Variants in DUS4L observed in about 807,000 individuals in gnomAD.
DUS4L encodes tRNA-dihydrouridine(20a/20b) synthase [NAD(P)+]-like.
DUS4L carries 31 observed loss-of-function variants against 33.8 expected under a neutral mutation model. The ratio of observed to expected loss-of-function variants is 0.92; its 90% CI spans 0.69 to 1.24. The LOEUF is 1.24. Among genes scored for constraint, DUS4L ranks in the 50% most tolerant of loss-of-function variants. DUS4L has a pLI of 0.00. For missense variants in DUS4L, 368 were observed against 388.6 expected (o/e 0.95, Z 0.45); for synonymous variants, 103 against 120.3 (o/e 0.86, Z 0.94).
rs893438249 is a variant in DUS4L, at chr7:107,563,978, C to T, written c.-342C>T. ...ACGCAGAATCCCGGCGCCGCCCGCC[C>T]ACCCAGCCCATGGCTCCAGGCCCAC... On this transcript the variant is annotated 5_prime_UTR_variant, in exon 1 of 8. Coordinates refer to ENST00000265720, the MANE Select transcript of DUS4L (RefSeq NM_181581.3). 1.3e-6 allele frequency: 2 copies of T among 1,574,806 alleles called. No homozygotes were observed. Among genetic ancestry groups the T allele is most frequent in the Non-Finnish European group, 8.6e-7 (1 of 1,162,528 alleles).
At chr7:107,567,665 C>T (rs1804833378) in intron 3 of DUS4L, 1 of 315,748 alleles carries the variant, frequency 3.2e-6, no homozygotes, top group Admixed American at 4.0e-5. Context: ...ATAAAATTTA[C>T]CTCTCGATCA....
intron 3 of DUS4L, chr7:107,570,895 C>T: frequency 2.7e-6 from 1 of 370,236 alleles, no homozygotes; most frequent in Non-Finnish European, 4.9e-6. Context: ...GAACTCACCA[C>T]CCTGTCATTC....
In DUS4L at chr7:107,577,701, T is replaced by C; in HGVS notation, c.*141T>C. The C allele has an allele frequency of 1.2e-6, 1 of 815,938 alleles. No individual in the cohort carries two copies. The highest frequency in any genetic ancestry group is 1.9e-6 in the Non-Finnish European group (1 of 540,332). The allele number at this position is 815,938 out of a possible 1,614,324, so 50.5% of individuals were successfully genotyped here. A position where few individuals can be genotyped will look rare whatever the true frequency, so the allele number is the denominator to read the frequency against. Reference sequence around the variant, plus strand: ...GGGAGCGTTTTTTAAAAATCAGTTGTAGACACCACCCTCAGAGATTCTGAT... The same window carrying C: ...GGGAGCGTTTTTTAAAAATCAGTTGCAGACACCACCCTCAGAGATTCTGAT... On this transcript the variant is annotated 3_prime_UTR_variant, in exon 8 of 8. Coordinates refer to ENST00000265720, the MANE Select transcript of DUS4L (RefSeq NM_181581.3).
At chr7:107,571,871 A>G (rs1332422136) in intron 4 of DUS4L, among the ~76,000 whole-genome samples, 1 of 152,092 alleles carries the variant, frequency 6.6e-6, no homozygotes, top group Non-Finnish European at 1.5e-5. Flanking sequence ...GTTTCTCCCC[A>G]CACCCCACTG....
At chr7:107,576,767 A>G in intron 7 of DUS4L, 175 bp downstream of exon 7, 1 of 584,070 alleles carries the variant, frequency 1.7e-6, no homozygotes, top group Middle Eastern at 3.9e-4. Flanking sequence ...CTAGAAAAAC[A>G]TGGATTATCT....
intron 3 of DUS4L, 64 bp downstream of exon 3, chr7:107,567,250 A>G (rs4730250): frequency 0.16 from 233,563 of 1,432,380 alleles, 19,894 homozygotes; most frequent in Non-Finnish European, 0.18. Context: ...TGACTTTTTA[A>G]AAGTACTGTA....
intron 7 of DUS4L, 39 bp from the exon 8 acceptor site, chr7:107,577,274 C>T (rs1805836953): frequency 6.2e-7 from 1 of 1,605,142 alleles, no homozygotes; most frequent in Admixed American, 1.7e-5. Flanking sequence ...ACCAGGGGTT[C>T]TTAATGTATG....
intron 7 of DUS4L, 126 bp from the exon 8 acceptor site, chr7:107,577,187 G>A (rs971386352): frequency 7.7e-7 from 1 of 1,299,604 alleles, no homozygotes; most frequent in Non-Finnish European, 1.1e-6. Context: ...ACATATTAAT[G>A]CAATAAAGAC....
chr7:107,569,545 G>C (rs1805011753), intron 3 of DUS4L, among the ~76,000 whole-genome samples: 1 of 152,174 alleles, frequency 6.6e-6, no homozygotes, highest in Admixed American at 6.5e-5. Flanking sequence ...TTCTTACTAG[G>C]TTGAGTCTCC....
At chr7:107,566,569 A>G (rs1333925495) in intron 2 of DUS4L, among the ~76,000 whole-genome samples, 1 of 152,206 alleles carries the variant, frequency 6.6e-6, no homozygotes, top group African/African-American at 2.4e-5. Context: ...AGGATTCAAG[A>G]ATTACAATAA....
At chr7:107,570,521 C>T (rs1030300894) in intron 3 of DUS4L, 2 of 152,638 alleles carry the variant, frequency 1.3e-5, no homozygotes, top group Non-Finnish European at 2.9e-5. Context: ...CCCTTGTGGC[C>T]TCCACTGATA....
intron 1 of DUS4L, 64 bp downstream of exon 1, chr7:107,564,273 G>T: frequency 1.9e-6 from 1 of 513,548 alleles, no homozygotes; most frequent in Non-Finnish European, 3.5e-6. Flanking sequence ...CAGAACAGGG[G>T]CCGCGCGGCG....
intron 6 of DUS4L, 53 bp downstream of exon 6, chr7:107,575,363 A>G: frequency 3.8e-6 from 6 of 1,580,822 alleles, no homozygotes; most frequent in Non-Finnish European, 4.3e-6. Context: ...TTAGGAAATG[A>G]AAGATTATTG....
intron 4 of DUS4L, among the ~76,000 whole-genome samples, chr7:107,571,861 G>C (rs190961531): frequency 1.3e-5 from 2 of 152,120 alleles, no homozygotes; most frequent in African/African-American, 4.8e-5. Context: ...TCTTCCTTCA[G>C]TTTCTCCCCA....
chr7:107,574,583 C>T (rs927575882), intron 5 of DUS4L, among the ~76,000 whole-genome samples: 7 of 152,124 alleles, frequency 4.6e-5, no homozygotes, highest in Non-Finnish European at 8.8e-5. Flanking sequence ...GGTGATCCGC[C>T]CGCCTTGGCC....
intron 5 of DUS4L, among the ~76,000 whole-genome samples, chr7:107,574,268 C>A (rs1371100266): frequency 1.3e-5 from 2 of 151,604 alleles, no homozygotes; most frequent in Non-Finnish European, 2.9e-5. Context: ...ATCACTTTTT[C>A]TTTCTATACC....
chr7:107,567,111 GAA>G lies in DUS4L; in HGVS notation c.47_48del (p.Lys16ArgfsTer27). 1 of 1,613,370 alleles carries G rather than the reference GAA, an allele frequency of 6.2e-7. No individual in the cohort carries two copies. Among genetic ancestry groups the G allele is most frequent in the South Asian group, 1.1e-5 (1 of 91,038 alleles). The stretch of plus-strand genomic sequence containing the variant: ...ATGCAAACGACAATATGTCAGGAAA[GAA>G]AAAAAGATCCCATAGAAATGTTTCA... On this transcript the variant is annotated frameshift_variant, in exon 3 of 8. Coordinates refer to ENST00000265720, the MANE Select transcript of DUS4L (RefSeq NM_181581.3). LOFTEE classifies it high-confidence loss of function.
intron 2 of DUS4L, among the ~76,000 whole-genome samples, chr7:107,566,784 A>T (rs1048477999): frequency 3.4e-5 from 5 of 147,414 alleles, no homozygotes; most frequent in Non-Finnish European, 7.7e-5. Context: ...ACAACATGGT[A>T]AACTAGGGAA....
At position 107,576,612 on chromosome 7, in the gene DUS4L, G is replaced by T; in HGVS notation, c.706+20G>T. The T allele has an allele frequency of 1.4e-6, 2 of 1,476,996 alleles. No individual in the cohort carries two copies. The highest frequency in any genetic ancestry group is 1.8e-6 in the Non-Finnish European group (2 of 1,125,314). The allele number at this position is 1,476,996 out of a possible 1,614,324, so 91.5% of individuals were successfully genotyped here. ...CAGATGGTAAGAAATAAGTACTTGG[G>T]TTCTTTTAATTGGGGGGGGAAGAAA... On this transcript the variant is annotated intron_variant, in intron 7 of 7. Transcript: ENST00000265720.
Sources: gnomAD v4.1 joint callset for allele counts (sites outside exome capture counted in the v4.1 genomes callset) on GRCh38, gnomAD v4.1.1 for gene constraint, MANE v1.5 for transcripts, NCBI Gene and HGNC (gene_info 2026-07-23, HGNC 2026-07-21) for gene names.